The following SNRK variants were observed in gnomAD, a reference collection of about 807,000 sequenced individuals.
SNRK encodes SNF-related serine/threonine-protein kinase.
In SNRK, 3 loss-of-function variants were observed where a neutral mutation model predicts 48.2. That is an observed-to-expected ratio of 0.06 (90% CI 0.03 to 0.16). The LOEUF (loss-of-function observed/expected upper bound fraction) is 0.16. Among genes scored for constraint, SNRK ranks in the 10% least tolerant of loss-of-function variants. The probability of loss-of-function intolerance (pLI) is 1.00; values close to 1 mark genes in which losing one functional copy is unlikely to be tolerated. For missense variants in SNRK, 627 were observed against 976.0 expected, an observed-to-expected ratio of 0.64 and a Z score of 4.76; for synonymous variants, 376 against 366.1, an observed-to-expected ratio of 1.03 and a Z score of -0.31.
chr3:43,287,145 G>A (rs540617267), intron 1 of SNRK, among the ~76,000 whole-genome samples: 1 of 151,800 alleles, frequency 6.6e-6, no homozygotes, highest in South Asian at 2.1e-4. Flanking sequence ...TCCGGCCTCA[G>A]CAAAAGGGTT....
chr3:43,343,130 A>G (rs942198936), intron 5 of SNRK: 5 of 521,646 alleles, frequency 9.6e-6, no homozygotes, highest in African/African-American at 7.9e-5. Flanking sequence ...AAAAATCTTC[A>G]TAAAAATATG....
chr3:43,330,338 G>T (rs1168454052), intron 3 of SNRK, among the ~76,000 whole-genome samples: 1 of 152,032 alleles, frequency 6.6e-6, no homozygotes, highest in Non-Finnish European at 1.5e-5. Context: ...GGACATAGTT[G>T]GAAAGGTGGC....
At chr3:43,335,760 T>A (rs1224103607) in intron 4 of SNRK, among the ~76,000 whole-genome samples, 1 of 152,206 alleles carries the variant, frequency 6.6e-6, no homozygotes, top group Admixed American at 6.5e-5. Flanking sequence ...GCAAACAAGT[T>A]GAAAAGTGTC....
chr3:43,314,416 T>A (rs2091000365), intron 3 of SNRK, among the ~76,000 whole-genome samples: 1 of 152,196 alleles, frequency 6.6e-6, no homozygotes, highest in Non-Finnish European at 1.5e-5. Flanking sequence ...ATTGAGACAT[T>A]CTTTATAGCT....
intron 3 of SNRK, among the ~76,000 whole-genome samples, chr3:43,324,248 G>A (rs1480728625): frequency 6.6e-6 from 1 of 152,162 alleles, no homozygotes; most frequent in Non-Finnish European, 1.5e-5. Context: ...GGTGGCTCAC[G>A]CCTGTAATCC....
In SNRK at chr3:43,350,845, T is replaced by A. The variant is rs967814975; in HGVS notation, c.*2288T>A. The A allele has an allele frequency of 4.4e-4, 65 of 148,280 alleles. 1 individual carries two copies. Among genetic ancestry groups the A allele is most frequent in the Admixed American group, 4.3e-3 (65 of 14,998 alleles). The allele number at this position is 148,280 out of a possible 1,614,324, so 9.2% of individuals were successfully genotyped here. On this transcript the variant is annotated 3_prime_UTR_variant, in exon 7 of 7. Transcript: ENST00000296088. ...ATTAAATATTGTGGAAAAACAGTCT[T>A]GTATTTTTCTGTATGTGTGTATATA...
At chr3:43,305,252 C>T (rs539517176) in intron 3 of SNRK, among the ~76,000 whole-genome samples, 1 of 152,250 alleles carries the variant, frequency 6.6e-6, no homozygotes, top group Non-Finnish European at 1.5e-5. Context: ...TAGCAGTTCT[C>T]TCCTATATAT....
Position 43,348,433 on chromosome 3 carries a change from A to C in SNRK, c.2174A>C (p.Asn725Thr). 6.2e-7 allele frequency: 1 copy of C among 1,612,330 alleles called. No homozygotes were observed. Among genetic ancestry groups the C allele is most frequent in the Non-Finnish European group, 8.5e-7 (1 of 1,179,284 alleles). ...TTELERIKSK[N>T]LKNNVLQLPL... ...GAATTGGAACGGATAAAGAGCAAGA[A>C]CCTGAAAAATAACGTGCTGCAGCTA... The change falls in exon 7 of 7, where the codon AAC becomes ACC. Residue 725 changes from asparagine to threonine, a missense_variant. By Grantham distance (65) the Asn-to-Thr change is moderately conservative. Coordinates refer to ENST00000296088, the MANE Select transcript of SNRK (RefSeq NM_017719.5).
chr3:43,332,032 T>C, intron 3 of SNRK, 137 bp from the exon 4 acceptor site: 1 of 607,628 alleles, frequency 1.6e-6, no homozygotes. Context: ...TTGGGGCTTC[T>C]TTTCCTTCAT....
chr3:43,288,993 T>G lies in SNRK; in HGVS notation c.-169+2318T>G, dbSNP rs191581471. Among the ~76,000 whole-genome samples, 1,358 of 152,342 alleles carry G rather than the reference T, an allele frequency of 8.9e-3. 14 individuals carry two copies. Among genetic ancestry groups the G allele is most frequent in the Non-Finnish European group, 0.013 (887 of 68,022 alleles). On this transcript the variant is annotated intron_variant, in intron 1 of 6. Coordinates refer to ENST00000296088, the MANE Select transcript of SNRK (RefSeq NM_017719.5). ...TTTGATCATTTATTCATGGAATGTT[T>G]GTGTGTCTCTTTTGGTGGCCCTAGG...
intron 1 of SNRK, among the ~76,000 whole-genome samples, chr3:43,296,438 A>ATATG (rs1299583723): frequency 9.6e-5 from 14 of 145,836 alleles, no homozygotes; most frequent in African/African-American, 3.3e-4. Context: ...ATATATGTAT[A>ATATG]TATATATATT....
At chr3:43,332,428 AT>A in intron 4 of SNRK, 118 bp downstream of exon 4, 1 of 354,642 alleles carries the variant, frequency 2.8e-6, no homozygotes, top group Non-Finnish European at 3.7e-6. Flanking sequence ...ATCTGGGTTG[AT>A]TTTAATTTTT....
At chr3:43,325,156 GT>G (rs1257975906) in intron 3 of SNRK, among the ~76,000 whole-genome samples, 2 of 152,084 alleles carry the variant, frequency 1.3e-5, no homozygotes, top group Non-Finnish European at 2.9e-5. Flanking sequence ...AAAAGACTGT[GT>G]TTTTTGGTTT....
chr3:43,342,364 A>G (rs1003151827), intron 5 of SNRK, among the ~76,000 whole-genome samples: 2 of 152,122 alleles, frequency 1.3e-5, no homozygotes, highest in African/African-American at 2.4e-5. Flanking sequence ...TTCTCTCACA[A>G]TACATTTCCA....
Position 43,343,460 on chromosome 3 carries a change from A to G in SNRK, c.1061A>G (p.Asn354Ser), listed in dbSNP as rs748698874. ...EIQTRSASPS[N>S]IKAQFRQSWP... ...CAGACCAGATCTGCAAGCCCGAGCAATATCAAGGCCCAGTTTAGGTGAGAA... is the reference window on the plus strand; with the variant it reads ...CAGACCAGATCTGCAAGCCCGAGCAGTATCAAGGCCCAGTTTAGGTGAGAA... The change falls in exon 6 of 7, where the codon AAT (asparagine) becomes AGT (serine). Residue 354 changes from asparagine to serine, a missense_variant. Transcript: ENST00000296088. 19 of 1,613,782 alleles carry G rather than the reference A, an allele frequency of 1.2e-5. No individual in the cohort carries two copies. The Admixed American group carries it at 2.5e-4, about 21-fold the overall frequency.
At chr3:43,306,000 T>A (rs2090934911) in intron 3 of SNRK, among the ~76,000 whole-genome samples, 1 of 152,084 alleles carries the variant, frequency 6.6e-6, no homozygotes, top group Non-Finnish European at 1.5e-5. Flanking sequence ...TAATGTTCCT[T>A]TTTCTTCCCC....
At chr3:43,293,283 TTCTC>T (rs1323335865) in intron 1 of SNRK, among the ~76,000 whole-genome samples, 1 of 152,268 alleles carries the variant, frequency 6.6e-6, no homozygotes, top group Non-Finnish European at 1.5e-5. Flanking sequence ...CATACCCTCT[TTCTC>T]AGAGGAAGTA....
At chr3:43,320,954 A>G (rs1288655200) in intron 3 of SNRK, among the ~76,000 whole-genome samples, 1 of 132,374 alleles carries the variant, frequency 7.6e-6, no homozygotes, top group Non-Finnish European at 1.6e-5. Context: ...TTTTTAAGTT[A>G]TTATAGCAGA....
In SNRK at chr3:43,303,030, G is replaced by T; in HGVS notation, c.-106-68G>T. The T allele has an allele frequency of 4.3e-6, 2 of 468,442 alleles. No individual in the cohort carries two copies. Among genetic ancestry groups the T allele is most frequent in the Non-Finnish European group, 7.4e-6 (2 of 270,020 alleles). 29.0% of individuals were successfully genotyped at this position (468,442 alleles called of 1,614,324 possible). On this transcript the variant is annotated intron_variant, in intron 2 of 6. Transcript: ENST00000296088. This position sits in a 1 kb window ranked among gnomAD's most constrained non-coding sequence, Gnocchi z 6.2. The stretch of plus-strand genomic sequence containing the variant: ...TCTTAAAATGAAAAAAACAAAAAAT[G>T]AAGTGATTTTAAAGTTTGTGAAGAA...
Sources: allele counts gnomAD v4.1 joint callset (sites outside exome capture counted in the v4.1 genomes callset), GRCh38; gene constraint gnomAD v4.1.1; non-coding constraint Gnocchi (gnomAD v3.1); transcripts MANE v1.5; gene names NCBI Gene and HGNC (gene_info 2026-07-23, HGNC 2026-07-21).